The following EFCAB7 variants were observed in gnomAD, a reference collection of about 807,000 sequenced individuals.
EFCAB7 encodes EF-hand calcium binding domain 7.
A neutral mutation model predicts 77.1 loss-of-function variants in EFCAB7; 66 were observed. The ratio of observed to expected loss-of-function variants is 0.86; its 90% CI spans 0.70 to 1.05. The LOEUF (loss-of-function observed/expected upper bound fraction) is 1.05, where lower values mean the gene tolerates loss of function less well. Ranked by LOEUF, EFCAB7 falls within the 50% of genes least tolerant of loss-of-function variation. The pLI is 0.00. For missense variants in EFCAB7, 638 were observed against 730.5 expected (o/e 0.87, Z 1.46); for synonymous variants, 225 against 243.3 (o/e 0.92, Z 0.70).
chr1:63,553,593 C>A (rs774018767), intron 8 of EFCAB7, among the ~76,000 whole-genome samples: 6 of 152,192 alleles, frequency 3.9e-5, no homozygotes, highest in Non-Finnish European at 8.8e-5. Context: ...CTGCCTTGGC[C>A]TCCCAAAGTG....
chr1:63,579,822 G>T, the EFCAB7 span, among the ~76,000 whole-genome samples: 1 of 152,110 alleles, frequency 6.6e-6, no homozygotes, highest in African/African-American at 2.4e-5. Flanking sequence ...CTTTTCATAG[G>T]CTTGTCATCT....
At chr1:63,585,143 G>C in the EFCAB7 span, among the ~76,000 whole-genome samples, 3 of 149,162 alleles carry the variant, frequency 2.0e-5, no homozygotes, top group East Asian at 5.8e-4. Flanking sequence ...GATTTATTTT[G>C]GAAGAGGTTT....
chr1:63,548,339 C>T (rs1020134906), intron 7 of EFCAB7: 2 of 152,018 alleles, frequency 1.3e-5, no homozygotes, highest in African/African-American at 4.8e-5. Context: ...TGAGGTTTCC[C>T]CCTCGTTTTT....
chr1:63,568,352 C>A lies in EFCAB7; in HGVS notation c.1540C>A (p.Pro514Thr). Residue 514 changes from proline to threonine, a missense_variant, in exon 12 of 14, where the codon CCA (proline) becomes ACA (threonine). Transcript: ENST00000371088. ...TGATATCTATGCAGAAAAATGCAAG[C>A]CAAAAATTAAAGCTGTCCATATGGA... Reference protein sequence around the residue: ...VIDIYAEKCKPKIKAVHMEAC... With the variant: ...VIDIYAEKCKTKIKAVHMEAC... The A allele has an allele frequency of 6.2e-7, 1 of 1,600,842 alleles. No individual in the cohort carries two copies. Among genetic ancestry groups the A allele is most frequent in the African/African-American group, 1.4e-5 (1 of 73,896 alleles).
At chr1:63,557,577 A>G (rs914059558) in intron 10 of EFCAB7, among the ~76,000 whole-genome samples, 7 of 152,190 alleles carry the variant, frequency 4.6e-5, no homozygotes, top group African/African-American at 1.4e-4. Context: ...ACAAACTGTG[A>G]CCAGGAGAGG....
chr1:63,557,168 T>A lies in EFCAB7; in HGVS notation c.1269T>A (p.Leu423=), dbSNP rs1173105200. The stretch of plus-strand genomic sequence containing the variant: ...TTGATTTAGATGGAAATGGTCTTCT[T>A]AGCCTTGAAGAATATAATTTTTTTG... ...EVIDLDGNGL[L]SLEEYNFFEL... Residue 423 remains leucine, a synonymous_variant, in exon 10 of 14, where the codon CTT becomes CTA. Coordinates refer to ENST00000371088, the MANE Select transcript of EFCAB7 (RefSeq NM_032437.4). The A allele has an allele frequency of 6.2e-7, 1 of 1,607,544 alleles. No homozygotes were observed. The highest frequency in any genetic ancestry group is 2.2e-5 in the East Asian group (1 of 44,724).
rs749153136 is a variant in EFCAB7, at chr1:63,571,052, A to G, written c.1739A>G (p.Asn580Ser). The G allele has an allele frequency of 2.5e-6, 4 of 1,612,238 alleles. No individual in the cohort carries two copies. The highest frequency in any genetic ancestry group is 1.3e-5 in the African/African-American group (1 of 74,884). ...SDEKVIIHIS[N>S]ELSKNCINNR... ...GAGAAAGTGATTATTCACATCAGCA[A>G]TGAGCTAAGTAAAAACTGCATAAAC... Residue 580 changes from asparagine to serine, a missense_variant, in exon 13 of 14, where the codon AAT becomes AGT. By Grantham distance (46) the Asn-to-Ser change is conservative (BLOSUM62 1). Coordinates refer to ENST00000371088, the MANE Select transcript of EFCAB7 (RefSeq NM_032437.4).
At chr1:63,566,718 T>G (rs1647177493) in intron 11 of EFCAB7, among the ~76,000 whole-genome samples, 1 of 151,688 alleles carries the variant, frequency 6.6e-6, no homozygotes. Flanking sequence ...CTTTAAAAAT[T>G]TTTACAAAGG....
intron 2 of EFCAB7, among the ~76,000 whole-genome samples, chr1:63,527,090 G>A (rs1372040534): frequency 6.6e-6 from 1 of 152,134 alleles, no homozygotes; most frequent in Non-Finnish European, 1.5e-5. Flanking sequence ...CTTCTAATTT[G>A]CCATTATTTC....
the EFCAB7 span, among the ~76,000 whole-genome samples, chr1:63,584,361 C>T: frequency 2.6e-5 from 4 of 152,060 alleles, no homozygotes; most frequent in African/African-American, 9.7e-5. Context: ...TCAAGATCAG[C>T]CTGGGCAACA....
At chr1:63,557,358 A>G in intron 10 of EFCAB7, 111 bp downstream of exon 10, 1 of 1,055,508 alleles carries the variant, frequency 9.5e-7, no homozygotes, top group Non-Finnish European at 1.3e-6. Flanking sequence ...TATAGCATTT[A>G]GGACAGTTTG....
Position 63,557,166 on chromosome 1 carries a change from C to T in EFCAB7, c.1267C>T (p.Leu423Phe). ...EVIDLDGNGL[L>F]SLEEYNFFEL... ...AATTGATTTAGATGGAAATGGTCTT[C>T]TTAGCCTTGAAGAATATAATTTTTT... is the stretch of plus-strand genomic sequence containing the variant. Residue 423 changes from leucine (L) to phenylalanine (F), a missense_variant, in exon 10 of 14, where the codon CTT becomes TTT. Leu to Phe is a conservative substitution (Grantham distance 22). Coordinates refer to ENST00000371088, the MANE Select transcript of EFCAB7 (RefSeq NM_032437.4). The T allele has an allele frequency of 2.5e-6, 4 of 1,606,876 alleles. No homozygotes were observed. The highest frequency in any genetic ancestry group is 3.4e-6 in the Non-Finnish European group (4 of 1,177,678).
chr1:63,540,628 C>T (rs1271721436), intron 6 of EFCAB7, among the ~76,000 whole-genome samples: 1 of 152,066 alleles, frequency 6.6e-6, no homozygotes, highest in African/African-American at 2.4e-5. Flanking sequence ...ATATCTACCC[C>T]ATACTGCCTC....
Position 63,533,497 on chromosome 1 carries a change from C to CT in EFCAB7, c.531dup (p.Thr178TyrfsTer8). 6.2e-7 allele frequency: 1 copy of CT among 1,610,530 alleles called. No homozygotes were observed. Among genetic ancestry groups the CT allele is most frequent in the Non-Finnish European group, 8.5e-7 (1 of 1,179,026 alleles). Reference sequence around the variant, plus strand: ...ACAACCAACGAGCAATGTCTCAAGACTACACTAGAAAAACTAGAGGTTGAC... The same window carrying CT: ...ACAACCAACGAGCAATGTCTCAAGACTTACACTAGAAAAACTAGAGGTTGAC... On this transcript the variant is annotated frameshift_variant, in exon 5 of 14. Coordinates refer to ENST00000371088, the MANE Select transcript of EFCAB7 (RefSeq NM_032437.4). LOFTEE classifies it high-confidence loss of function.
intron 6 of EFCAB7, among the ~76,000 whole-genome samples, chr1:63,543,686 A>T (rs371632680): frequency 2.0e-5 from 3 of 152,322 alleles, no homozygotes; most frequent in Admixed American, 6.5e-5. Context: ...GCAGTGATAT[A>T]ATAAATCTTT....
chr1:63,532,118 A>G (rs1178204490), intron 3 of EFCAB7, 87 bp downstream of exon 3: 2 of 962,434 alleles, frequency 2.1e-6, no homozygotes, highest in East Asian at 2.5e-5. Context: ...CACATTAAAA[A>G]TAAGTATTTC....
At chr1:63,551,545 C>T (rs563240318) in intron 7 of EFCAB7, among the ~76,000 whole-genome samples, 180 bp from the exon 8 acceptor site, 4 of 151,780 alleles carry the variant, frequency 2.6e-5, no homozygotes, top group South Asian at 4.2e-4. Flanking sequence ...GAACCAAGAT[C>T]GCACCACTGC....
chr1:63,546,519 C>A (rs1028724646), intron 7 of EFCAB7, among the ~76,000 whole-genome samples: 2 of 152,070 alleles, frequency 1.3e-5, no homozygotes, highest in African/African-American at 4.8e-5. Flanking sequence ...GTGCACACCA[C>A]CTCGCCCGCC....
intron 2 of EFCAB7, chr1:63,529,765 TC>T (rs1298633029): frequency 1.3e-5 from 2 of 151,894 alleles, no homozygotes; most frequent in Admixed American, 6.6e-5. Context: ...GATGCAGTCT[TC>T]CTCTGTCACC....
Sources: allele counts gnomAD v4.1 joint callset (sites outside exome capture counted in the v4.1 genomes callset), GRCh38; gene constraint gnomAD v4.1.1; transcripts MANE v1.5; gene names NCBI Gene and HGNC (gene_info 2026-07-23, HGNC 2026-07-21).